The following GHR variants were observed in gnomAD, a reference collection of about 807,000 sequenced individuals.
The protein encoded by GHR is growth hormone receptor, also known as GH receptor.
A neutral mutation model predicts 67.1 loss-of-function variants in GHR; 35 were observed. That is an observed-to-expected ratio of 0.52 (90% CI 0.40 to 0.69). The LOEUF (loss-of-function observed/expected upper bound fraction) is 0.69. Ranked by LOEUF, GHR falls within the 30% of genes least tolerant of loss-of-function variation. The pLI is 0.00. For synonymous variants in GHR, 272 were observed against 269.1 expected (o/e 1.01, Z -0.10); for missense variants, 792 against 764.6 (o/e 1.04, Z -0.42).
chr5:42,602,345 C>T (rs1319283239), intron 2 of GHR, among the ~76,000 whole-genome samples: 1 of 152,058 alleles, frequency 6.6e-6, no homozygotes, highest in Non-Finnish European at 1.5e-5. Context: ...GGGAGGGGGG[C>T]CGTACCATTT....
At chr5:42,623,185 A>G (rs901998104) in intron 2 of GHR, among the ~76,000 whole-genome samples, 1 of 152,184 alleles carries the variant, frequency 6.6e-6, no homozygotes, top group African/African-American at 2.4e-5. Flanking sequence ...TCTTATATAT[A>G]TATAGATACT....
intron 1 of GHR, among the ~76,000 whole-genome samples, chr5:42,425,436 C>T (rs1742809652): frequency 6.6e-6 from 1 of 152,152 alleles, no homozygotes; most frequent in African/African-American, 2.4e-5. Flanking sequence ...AGGCTAGTTT[C>T]CACCTGAATC....
chr5:42,559,828 G>A (rs114757226), intron 1 of GHR, among the ~76,000 whole-genome samples: 2,332 of 152,216 alleles, frequency 0.015, 58 homozygotes, highest in African/African-American at 0.054. Flanking sequence ...ACCATAAAAA[G>A]TTGGTAACAA....
intron 1 of GHR, chr5:42,467,821 C>A: frequency 7.5e-7 from 1 of 1,329,692 alleles, no homozygotes. Flanking sequence ...TTCGCCCAAG[C>A]TGGGTTTTCG....
chr5:42,467,461 C>G (rs1744781287), intron 1 of GHR: 1 of 974,928 alleles, frequency 1.0e-6, no homozygotes, highest in Non-Finnish European at 1.6e-6. Flanking sequence ...ACACTCATTA[C>G]ATTTACAGCA....
intron 3 of GHR, among the ~76,000 whole-genome samples, chr5:42,636,449 G>A (rs1754199025): frequency 6.6e-6 from 1 of 152,132 alleles, no homozygotes; most frequent in Admixed American, 6.5e-5. Context: ...CCAACAGTTG[G>A]TTGTGACCTT....
At chr5:42,594,337 A>G (rs1444065802) in intron 2 of GHR, among the ~76,000 whole-genome samples, 1 of 152,228 alleles carries the variant, frequency 6.6e-6, no homozygotes, top group Admixed American at 6.5e-5. Context: ...TTAGATCTAA[A>G]TAACTCCACT....
intron 4 of GHR, among the ~76,000 whole-genome samples, chr5:42,690,765 T>A (rs1757385784): frequency 6.6e-6 from 1 of 152,122 alleles, no homozygotes; most frequent in African/African-American, 2.4e-5. Context: ...ACTATATTTT[T>A]CCTTAAGGCT....
At chr5:42,579,076 TAG>T (rs1750933409) in intron 2 of GHR, among the ~76,000 whole-genome samples, 1 of 43,646 alleles carries the variant, frequency 2.3e-5, no homozygotes, top group African/African-American at 6.9e-5. Flanking sequence ...TCTGACACTA[TAG>T]ATAGATAGAT....
intron 1 of GHR, among the ~76,000 whole-genome samples, chr5:42,463,715 C>T (rs1289692536): frequency 6.6e-6 from 1 of 152,010 alleles, no homozygotes; most frequent in Non-Finnish European, 1.5e-5. Context: ...TTTAGTGGGC[C>T]GGGCGCGGTG....
At chr5:42,497,105 G>A (rs1746353695) in intron 1 of GHR, among the ~76,000 whole-genome samples, 1 of 152,150 alleles carries the variant, frequency 6.6e-6, no homozygotes, top group Admixed American at 6.5e-5. Context: ...TGCTTAAAGA[G>A]TCAAAGACTG....
intron 2 of GHR, among the ~76,000 whole-genome samples, chr5:42,580,948 A>G (rs1019447090): frequency 6.6e-6 from 1 of 152,018 alleles, no homozygotes; most frequent in African/African-American, 2.4e-5. Flanking sequence ...CTCCTCACCC[A>G]CCTTCATTCA....
intron 1 of GHR, among the ~76,000 whole-genome samples, chr5:42,555,039 A>G (rs1749233270): frequency 1.3e-5 from 2 of 152,180 alleles, no homozygotes; most frequent in South Asian, 4.1e-4. Context: ...GAAGGGGTAC[A>G]CTGTAAACTT....
At chr5:42,442,384 G>GAA (rs1272701422) in intron 1 of GHR, among the ~76,000 whole-genome samples, 1 of 152,120 alleles carries the variant, frequency 6.6e-6, no homozygotes, top group African/African-American at 2.4e-5. Flanking sequence ...ACCAGACACA[G>GAA]AAAAACAGGT....
rs1183562889 is a variant in GHR, at chr5:42,424,717, C to G, written c.-12+762C>G. 3 of 1,053,352 alleles carry G rather than the reference C, an allele frequency of 2.8e-6. No homozygotes were observed. In the East Asian group the frequency reaches 7.7e-5, roughly 27 times the overall value. The allele number at this position is 1,053,352 out of a possible 1,614,324, so 65.3% of individuals were successfully genotyped here. On this transcript the variant is annotated intron_variant, in intron 1 of 9. Transcript: ENST00000230882. The surrounding 1 kb of genome is among the most constrained non-coding windows in gnomAD (Gnocchi z 4.1). ...AGAGGCTGCGGGTCAATGGGGTGGC[C>G]GCGTGTCTAGGGAGAGGGCGCTGGC...
At chr5:42,688,846 G>A (rs1757283460) in intron 3 of GHR, 44 bp from the exon 4 acceptor site, 1 of 1,595,302 alleles carries the variant, frequency 6.3e-7, no homozygotes, top group Non-Finnish European at 8.6e-7. Flanking sequence ...GATCACATAT[G>A]ACTCACCTGA....
At chr5:42,615,741 C>CAAA (rs57137627) in intron 2 of GHR, among the ~76,000 whole-genome samples, 1 of 130,828 alleles carries the variant, frequency 7.6e-6, no homozygotes, top group Non-Finnish European at 1.7e-5. Flanking sequence ...AAACAAAAAA[C>CAAA]AAAAAAAAAA....
intron 1 of GHR, among the ~76,000 whole-genome samples, chr5:42,538,053 T>C (rs1748339492): frequency 1.3e-5 from 2 of 152,194 alleles, no homozygotes; most frequent in South Asian, 4.1e-4. Context: ...TGAGTTCTTA[T>C]GTGTTAGGTG....
intron 3 of GHR, among the ~76,000 whole-genome samples, chr5:42,648,683 CTACTAG>C (rs1754866646): frequency 6.6e-6 from 1 of 150,840 alleles, no homozygotes; most frequent in African/African-American, 2.4e-5. Context: ...AATAGTACTA[CTACTAG>C]TACTAGTAGT....
Sources: allele counts gnomAD v4.1 joint callset (sites outside exome capture counted in the v4.1 genomes callset), GRCh38; gene constraint gnomAD v4.1.1; non-coding constraint Gnocchi (gnomAD v3.1); transcripts MANE v1.5; gene names NCBI Gene and HGNC (gene_info 2026-07-23, HGNC 2026-07-21).